Variants in CADPS2 observed in about 807,000 individuals in gnomAD.
The protein encoded by CADPS2 is calcium-dependent secretion activator 2.
Under a neutral mutation model 172.5 loss-of-function variants are expected in CADPS2, and 93 were observed. That is an observed-to-expected ratio of 0.54 (90% CI 0.46 to 0.64). CADPS2 has a LOEUF of 0.64. CADPS2 is among the 30% of genes least tolerant of loss of function. CADPS2 has a pLI of 0.00. For missense variants in CADPS2, 1,420 were observed against 1,565.9 expected, an observed-to-expected ratio of 0.91 and a Z score of 1.57; for synonymous variants, 546 against 555.2, an observed-to-expected ratio of 0.98 and a Z score of 0.23.
intron 2 of CADPS2, among the ~76,000 whole-genome samples, chr7:122,686,676 A>T (rs970291124): frequency 2.0e-5 from 3 of 152,190 alleles, no homozygotes; most frequent in African/African-American, 7.2e-5. Flanking sequence ...TTCTTTTTGA[A>T]AAGTAACTAT....
At chr7:122,486,727 C>T (rs925884991) in intron 11 of CADPS2, among the ~76,000 whole-genome samples, 2 of 152,130 alleles carry the variant, frequency 1.3e-5, no homozygotes, top group Non-Finnish European at 2.9e-5. Context: ...TGATAGCAAA[C>T]AGCATCACAT....
At chr7:122,592,446 T>C (rs1262476153) in intron 6 of CADPS2, among the ~76,000 whole-genome samples, 14 of 151,942 alleles carry the variant, frequency 9.2e-5, no homozygotes, top group Non-Finnish European at 1.9e-4. Flanking sequence ...CTCAGGGATC[T>C]AGAACTAGAA....
chr7:122,754,413 T>C (rs1439424989), intron 1 of CADPS2, among the ~76,000 whole-genome samples: 1 of 152,218 alleles, frequency 6.6e-6, no homozygotes, highest in Non-Finnish European at 1.5e-5. Context: ...TAAAATGACT[T>C]ACTAAAAGGC....
At chr7:122,707,657 T>C (rs67817582) in intron 2 of CADPS2, among the ~76,000 whole-genome samples, 10,040 of 151,876 alleles carry the variant, frequency 0.066, 369 homozygotes, top group South Asian at 0.17. Context: ...TGCAAGAAAT[T>C]AAATGAATCA....
chr7:122,328,132 GACACAC>G (rs71159790), intron 28 of CADPS2, among the ~76,000 whole-genome samples: 2,354 of 145,676 alleles, frequency 0.016, 29 homozygotes, highest in Non-Finnish European at 0.025. Context: ...GTAAAATGCA[GACACAC>G]ACACACACAC....
intron 1 of CADPS2, among the ~76,000 whole-genome samples, chr7:122,807,861 C>T (rs1799133324): frequency 6.6e-6 from 1 of 152,094 alleles, no homozygotes; most frequent in Admixed American, 6.5e-5. Context: ...ACCAAAAAGG[C>T]CTCATTTTAA....
intron 2 of CADPS2, among the ~76,000 whole-genome samples, chr7:122,674,163 T>G (rs1198794872): frequency 6.6e-6 from 1 of 152,080 alleles, no homozygotes. Context: ...GAACTCACGC[T>G]GTCCTGCAAG....
chr7:122,734,032 T>C (rs958911132), intron 2 of CADPS2, among the ~76,000 whole-genome samples: 8 of 151,912 alleles, frequency 5.3e-5, no homozygotes, highest in Admixed American at 1.3e-4. Flanking sequence ...AATTCAGATG[T>C]TGAAGCCCCA....
chr7:122,392,971 T>C (rs1157419266), intron 22 of CADPS2, among the ~76,000 whole-genome samples: 1 of 152,080 alleles, frequency 6.6e-6, no homozygotes. Context: ...ACAGATTATA[T>C]ATGAACTACA....
chr7:122,624,025 A>G (rs563044539), intron 4 of CADPS2, among the ~76,000 whole-genome samples: 1 of 152,306 alleles, frequency 6.6e-6, no homozygotes. Context: ...TTTTATCAGT[A>G]TTTCCAAACA....
intron 1 of CADPS2, among the ~76,000 whole-genome samples, chr7:122,802,788 C>CA (rs1797939805): frequency 1.3e-5 from 2 of 152,086 alleles, no homozygotes; most frequent in Non-Finnish European, 2.9e-5. Flanking sequence ...AAGAATTACA[C>CA]ATAAATACAA....
chr7:122,449,514 G>C (rs1402798869), intron 15 of CADPS2, among the ~76,000 whole-genome samples: 1 of 151,950 alleles, frequency 6.6e-6, no homozygotes, highest in Non-Finnish European at 1.5e-5. Context: ...TAGAGATGGG[G>C]TCTCGCTACG....
intron 3 of CADPS2, among the ~76,000 whole-genome samples, chr7:122,645,393 GTA>G (rs1245815541): frequency 1.1e-3 from 62 of 54,814 alleles, no homozygotes; most frequent in African/African-American, 1.9e-3. Context: ...ACATGTGTGT[GTA>G]TATATGTACA....
Position 122,874,156 on chromosome 7 carries a change from T to C in CADPS2, c.339+11843A>G, listed in dbSNP as rs536269745. 1.2e-4 allele frequency among the ~76,000 whole-genome samples: 19 copies of C among 152,348 alleles called. No individual in the cohort carries two copies. The South Asian group carries it at 3.7e-3, about 30-fold the overall frequency. On this transcript the variant is annotated intron_variant, in intron 1 of 29. Coordinates refer to ENST00000449022, the MANE Select transcript of CADPS2 (RefSeq NM_017954.11). ...TTTCTTTTGCTGTGCAGAAACTCTT[T>C]AGTTCTTTTACATCCCATTTATCAG...
chr7:122,525,460 C>T (rs779488179), intron 8 of CADPS2, among the ~76,000 whole-genome samples: 1 of 152,122 alleles, frequency 6.6e-6, no homozygotes, highest in African/African-American at 2.4e-5. Flanking sequence ...CCAATCTTGT[C>T]GGTAGTCAAG....
At chr7:122,832,572 T>C (rs893115512) in intron 1 of CADPS2, among the ~76,000 whole-genome samples, 1 of 152,236 alleles carries the variant, frequency 6.6e-6, no homozygotes, top group African/African-American at 2.4e-5. Context: ...CTCCTCTGCC[T>C]GTGCTACCAG....
chr7:122,454,659 GCTCTTTCAT>G (rs2053544615), intron 14 of CADPS2, among the ~76,000 whole-genome samples: 1 of 152,106 alleles, frequency 6.6e-6, no homozygotes, highest in Non-Finnish European at 1.5e-5. Context: ...CCTAAACCTT[GCTCTTTCAT>G]ACATTCTAAA....
intron 3 of CADPS2, 73 bp downstream of exon 3, chr7:122,663,164 C>T: frequency 8.9e-7 from 1 of 1,117,762 alleles, no homozygotes; most frequent in Non-Finnish European, 1.3e-6. Flanking sequence ...AGGACATCTT[C>T]ATAGGCTTGT....
intron 8 of CADPS2, among the ~76,000 whole-genome samples, chr7:122,522,504 T>C (rs1370280469): frequency 1.3e-5 from 2 of 152,170 alleles, no homozygotes; most frequent in Non-Finnish European, 2.9e-5. Context: ...AAATGTGTAA[T>C]GGTAAAATCG....
Sources: gnomAD v4.1 joint callset for allele counts (sites outside exome capture counted in the v4.1 genomes callset) on GRCh38, gnomAD v4.1.1 for gene constraint, MANE v1.5 for transcripts, NCBI Gene and HGNC (gene_info 2026-07-23, HGNC 2026-07-21) for gene names.